Variants in CTXND2 observed in about 807,000 individuals in gnomAD.
CTXND2 encodes cortexin domain containing 2.
chr1:150,900,118 A>T (rs755249883), intron 1 of CTXND2, among the ~76,000 whole-genome samples: 21 of 152,196 alleles, frequency 1.4e-4, no homozygotes, highest in Admixed American at 2.6e-4. Context: ...CACCGTGTGG[A>T]GGCTGTATTC....
intron 1 of CTXND2, among the ~76,000 whole-genome samples, chr1:150,899,074 G>A (rs886718521): frequency 5.3e-5 from 8 of 150,516 alleles, no homozygotes; most frequent in Non-Finnish European, 8.9e-5. Context: ...CTCCAGCCTG[G>A]GCGACAGAGC....
At chr1:150,900,657 C>CA (rs5777742) in intron 1 of CTXND2, among the ~76,000 whole-genome samples, 30 of 150,018 alleles carry the variant, frequency 2.0e-4, no homozygotes, top group East Asian at 3.9e-4. Flanking sequence ...AAAAACAAAC[C>CA]AAAAAAAAAC....
intron 1 of CTXND2, among the ~76,000 whole-genome samples, chr1:150,902,226 C>G (rs1251250149): frequency 2.0e-5 from 3 of 151,970 alleles, no homozygotes; most frequent in Non-Finnish European, 4.4e-5. Context: ...ACAGTGAAAC[C>G]CCGTCTCTAC....
intron 1 of CTXND2, among the ~76,000 whole-genome samples, chr1:150,907,504 G>A (rs1669170157): frequency 6.6e-6 from 1 of 151,990 alleles, no homozygotes; most frequent in Non-Finnish European, 1.5e-5. Context: ...TCCTTTTTAT[G>A]GCCAATAATA....
chr1:150,898,934 AT>A (rs1668954013), intron 1 of CTXND2, among the ~76,000 whole-genome samples: 1 of 99,348 alleles, frequency 1.0e-5, no homozygotes, highest in African/African-American at 3.0e-5. Flanking sequence ...AAAAAAAAAT[AT>A]ATATATATAT....
intron 1 of CTXND2, among the ~76,000 whole-genome samples, chr1:150,901,144 C>T (rs1403332501): frequency 6.6e-6 from 1 of 152,036 alleles, no homozygotes; most frequent in East Asian, 1.9e-4. Flanking sequence ...TGAAAACAAT[C>T]CCACTTAAGA....
chr1:150,894,789 AT>A (rs1668892057), intron 1 of CTXND2, among the ~76,000 whole-genome samples: 1 of 152,112 alleles, frequency 6.6e-6, no homozygotes, highest in Non-Finnish European at 1.5e-5. Context: ...TAATCCCAGC[AT>A]TTTGGGAGAC....
At chr1:150,888,009 C>T (rs1042788416) in intron 1 of CTXND2, among the ~76,000 whole-genome samples, 1 of 151,858 alleles carries the variant, frequency 6.6e-6, no homozygotes, top group Non-Finnish European at 1.5e-5. Context: ...CTTTCTCCTA[C>T]TATAATCCCA....
intron 1 of CTXND2, among the ~76,000 whole-genome samples, chr1:150,901,303 T>C (rs1669025624): frequency 6.6e-6 from 1 of 152,206 alleles, no homozygotes; most frequent in Admixed American, 6.5e-5. Context: ...TTAACATTGT[T>C]AAGATGCCAG....
At chr1:150,904,244 CAA>C (rs1669097046) in intron 1 of CTXND2, 2 of 557,460 alleles carry the variant, frequency 3.6e-6, no homozygotes, top group African/African-American at 1.9e-5. Flanking sequence ...TATTACAAAA[CAA>C]ATGTCTCATG....
chr1:150,900,959 T>A (rs587625675), intron 1 of CTXND2, among the ~76,000 whole-genome samples: 1 of 151,954 alleles, frequency 6.6e-6, no homozygotes, highest in East Asian at 1.9e-4. Context: ...TACATAAAAA[T>A]AAATTAGCTG....
chr1:150,894,029 G>T (rs1668885172), intron 1 of CTXND2, among the ~76,000 whole-genome samples: 1 of 151,826 alleles, frequency 6.6e-6, no homozygotes, highest in Non-Finnish European at 1.5e-5. Flanking sequence ...TGTTGCTCAG[G>T]CTGGTCTCGA....
At chr1:150,899,178 C>T (rs1393708472) in intron 1 of CTXND2, among the ~76,000 whole-genome samples, 1 of 152,014 alleles carries the variant, frequency 6.6e-6, no homozygotes, top group Admixed American at 6.6e-5. Context: ...TGGTGGCTCA[C>T]GCCTGTAATC....
chr1:150,906,489 G>A (rs1669148912), intron 1 of CTXND2, among the ~76,000 whole-genome samples: 1 of 152,172 alleles, frequency 6.6e-6, no homozygotes, highest in Non-Finnish European at 1.5e-5. Context: ...AGCAAGGAGA[G>A]ACTAACAGCA....
In CTXND2 at chr1:150,902,549, C is replaced by T. The variant is rs749282544; in HGVS notation, c.-73-9693C>T. Among the ~76,000 whole-genome samples the T allele has an allele frequency of 1.1e-4, 16 of 151,718 alleles. No individual in the cohort carries two copies. In the Middle Eastern group the frequency reaches 0.01, roughly 97 times the overall value. On this transcript the variant is annotated intron_variant, in intron 1 of 1. Coordinates refer to ENST00000636087, the Ensembl canonical transcript of CTXND2. ...TGCCACTGCATTCCAGCCTGGCCGACGGAAATGAATGAGATTCATCACCTA... is the reference window on the plus strand; with the variant it reads ...TGCCACTGCATTCCAGCCTGGCCGATGGAAATGAATGAGATTCATCACCTA...
chr1:150,909,549 C>T lies in CTXND2; in HGVS notation c.-73-2693C>T, dbSNP rs150680274. Among the ~76,000 whole-genome samples the T allele has an allele frequency of 7.9e-5, 12 of 152,096 alleles. No individual in the cohort carries two copies. In the South Asian group the frequency reaches 2.1e-3, roughly 26 times the overall value. ...TCCAGCCTGGGTGACAAAGTGAGAC[C>T]CTGTCTCAAAGAAAAAAGTTTTAAA... On this transcript the variant is annotated intron_variant, in intron 1 of 1. Transcript: ENST00000636087.
At chr1:150,904,023 A>T in intron 1 of CTXND2, 1 of 653,066 alleles carries the variant, frequency 1.5e-6, no homozygotes, top group South Asian at 1.4e-5. Flanking sequence ...AAGACAGGTC[A>T]GGCTGTTGGA....
chr1:150,907,134 A>G (rs587736163), intron 1 of CTXND2, among the ~76,000 whole-genome samples: 42 of 152,344 alleles, frequency 2.8e-4, no homozygotes, highest in Non-Finnish European at 5.1e-4. Context: ...ATCCTCTATA[A>G]GATTAGGAAT....
At chr1:150,908,011 C>CT (rs745450518) in intron 1 of CTXND2, among the ~76,000 whole-genome samples, 448 of 120,344 alleles carry the variant, frequency 3.7e-3, no homozygotes, top group South Asian at 1.0e-2. Context: ...GCCCAGCCAG[C>CT]TTTTTTTTTT....
Sources: gnomAD v4.1 joint callset for allele counts (sites outside exome capture counted in the v4.1 genomes callset) on GRCh38, gnomAD v4.1.1 for gene constraint, MANE v1.5 for transcripts, NCBI Gene and HGNC (gene_info 2026-07-23, HGNC 2026-07-21) for gene names.